Variants in PGM5 observed in about 807,000 individuals in gnomAD.
PGM5 encodes the protein phosphoglucomutase 5, also known as phosphoglucomutase-like protein 5.
PGM5 carries 23 observed loss-of-function variants against 59.2 expected under a neutral mutation model. That is an observed-to-expected ratio of 0.39 (90% CI 0.28 to 0.55). The LOEUF is 0.55. PGM5 is among the 20% of genes least tolerant of loss of function. The pLI, the probability that PGM5 is intolerant of heterozygous loss-of-function variation, is 0.66. For missense variants in PGM5, 574 were observed against 748.3 expected (o/e 0.77, Z 2.72); for synonymous variants, 214 against 286.0 (o/e 0.75, Z 2.54).
chr9:68,521,485 C>T (rs1212083398), intron 10 of PGM5, among the ~76,000 whole-genome samples: 1 of 152,058 alleles, frequency 6.6e-6, no homozygotes, highest in Non-Finnish European at 1.5e-5. Context: ...TTTTTTTAAC[C>T]TCGGTTTCAA....
At chr9:68,428,063 T>G (rs1823267275) in intron 6 of PGM5, among the ~76,000 whole-genome samples, 2 of 152,204 alleles carry the variant, frequency 1.3e-5, no homozygotes, top group Admixed American at 1.3e-4. Context: ...GGCTAAAAAT[T>G]TATACACTTT....
At chr9:68,376,800 T>TCTTC (rs1821906768) in intron 1 of PGM5, among the ~76,000 whole-genome samples, 1 of 109,382 alleles carries the variant, frequency 9.1e-6, no homozygotes, top group Admixed American at 9.9e-5. Context: ...TTTCTTTCTT[T>TCTTC]CTTTCTTTCT....
At chr9:68,510,146 A>ATTTTT (rs10580007) in intron 10 of PGM5, among the ~76,000 whole-genome samples, 1 of 86,828 alleles carries the variant, frequency 1.2e-5, no homozygotes. Flanking sequence ...TGAAATCAGC[A>ATTTTT]TTTTTTTTTT....
At chr9:68,414,012 T>C (rs1462752960) in intron 6 of PGM5, among the ~76,000 whole-genome samples, 1 of 152,140 alleles carries the variant, frequency 6.6e-6, no homozygotes, top group Non-Finnish European at 1.5e-5. Flanking sequence ...CATGAATAAA[T>C]TAATTGTGTC....
Position 68,357,211 on chromosome 9 carries a change from G to A in PGM5, c.84G>A (p.Arg28=). The part of the protein sequence containing the change: ...DQRPAGGGGL[R]RPTGLFEGQR... ...GGCCGGCCGGCGGCGGGGGTCTGCG[G>A]CGACCCACCGGCCTCTTCGAGGGCC... Residue 28 remains arginine, a synonymous_variant, in exon 1 of 11, where the codon CGG becomes CGA. Transcript: ENST00000396396. 1 of 1,540,476 alleles carries A rather than the reference G, an allele frequency of 6.5e-7. No homozygotes were observed. Among genetic ancestry groups the A allele is most frequent in the Non-Finnish European group, 8.7e-7 (1 of 1,145,900 alleles).
chr9:68,466,521 A>G (rs1554685831), intron 7 of PGM5: 3 of 168,478 alleles, frequency 1.8e-5, no homozygotes, highest in Admixed American at 1.2e-4. Flanking sequence ...ATAAATTTTT[A>G]TTGAATGCTG....
intron 4 of PGM5, among the ~76,000 whole-genome samples, chr9:68,388,914 T>C (rs2265170): frequency 2.0e-5 from 3 of 152,030 alleles, no homozygotes; most frequent in African/African-American, 4.8e-5. Flanking sequence ...TTTATTATAT[T>C]GGACACCTGA....
intron 6 of PGM5, among the ~76,000 whole-genome samples, chr9:68,433,160 A>AC: frequency 6.6e-6 from 1 of 152,102 alleles, no homozygotes; most frequent in Non-Finnish European, 1.5e-5. Context: ...TGATGCTACA[A>AC]CCCCCCGTCT....
intron 6 of PGM5, among the ~76,000 whole-genome samples, chr9:68,439,558 G>A (rs868936221): frequency 3.4e-5 from 5 of 146,786 alleles, no homozygotes; most frequent in African/African-American, 1.3e-4. Flanking sequence ...TTTCTCAGAA[G>A]ATGATCAAAC....
chr9:68,360,114 T>A (rs576666051), intron 1 of PGM5, among the ~76,000 whole-genome samples: 147 of 152,262 alleles, frequency 9.7e-4, no homozygotes, highest in Non-Finnish European at 1.4e-3. Context: ...TAAAGTGTCA[T>A]GAACCACCAT....
chr9:68,423,666 TC>T (rs1823185868), intron 6 of PGM5, among the ~76,000 whole-genome samples: 1 of 151,706 alleles, frequency 6.6e-6, no homozygotes, highest in Non-Finnish European at 1.5e-5. Flanking sequence ...TCTCTCTCTC[TC>T]TCTCTCTCTC....
rs1478453481 is a variant in PGM5, at chr9:68,439,624, A to G, written c.1044-25469A>G. 6.1e-5 allele frequency among the ~76,000 whole-genome samples: 9 copies of G among 148,492 alleles called. No homozygotes were observed. The Admixed American group carries it at 6.1e-4, about 10-fold the overall frequency. On this transcript the variant is annotated intron_variant, in intron 6 of 10. Transcript: ENST00000396396. ...CTACCCCAGCTCATTCTAATATTTT[A>G]TATAAAATATTAGACATGAACATAT...
At chr9:68,395,066 G>A (rs201904863) in intron 6 of PGM5, among the ~76,000 whole-genome samples, 3 of 152,082 alleles carry the variant, frequency 2.0e-5, no homozygotes, top group East Asian at 1.9e-4. Context: ...TTCCTCCAAG[G>A]TCAGAGAGAT....
rs537382572 is a variant in PGM5 at position 68,408,847 on chromosome 9, C to CT, written c.1043+16383dup. On this transcript the variant is annotated intron_variant, in intron 6 of 10. Coordinates refer to ENST00000396396, the MANE Select transcript of PGM5 (RefSeq NM_021965.4). ...TAAATAGGGAATCCTTTCCCCATCG[C>CT]TTTTTTTTTCTCAGGTTTGTCAAAG... Among the ~76,000 whole-genome samples the CT allele has an allele frequency of 2.5e-4, 38 of 151,506 alleles. No homozygotes were observed. The South Asian group carries it at 3.1e-3, about 13-fold the overall frequency.
intron 3 of PGM5, 148 bp from the exon 4 acceptor site, chr9:68,387,315 T>A (rs1822247119): frequency 2.9e-6 from 2 of 683,864 alleles, no homozygotes; most frequent in Admixed American, 2.5e-5. Flanking sequence ...TGTCAACAAA[T>A]GGGCACTTCG....
intron 6 of PGM5, among the ~76,000 whole-genome samples, chr9:68,423,979 T>A (rs1823191855): frequency 6.6e-6 from 1 of 152,214 alleles, no homozygotes; most frequent in African/African-American, 2.4e-5. Flanking sequence ...AATTCACTAC[T>A]GCTGTATCTC....
At chr9:68,410,451 A>G (rs1554681532) in intron 6 of PGM5, among the ~76,000 whole-genome samples, 2 of 152,284 alleles carry the variant, frequency 1.3e-5, no homozygotes, top group Non-Finnish European at 2.9e-5. Flanking sequence ...AAGATGTAAA[A>G]TATCTTTAAT....
At chr9:68,494,606 A>G (rs1564021377) in intron 9 of PGM5, among the ~76,000 whole-genome samples, 1 of 152,138 alleles carries the variant, frequency 6.6e-6, no homozygotes, top group Non-Finnish European at 1.5e-5. Flanking sequence ...TTTTTTAAAG[A>G]CCTCCCACTG....
At chr9:68,388,276 C>T in intron 4 of PGM5, among the ~76,000 whole-genome samples, 1 of 143,402 alleles carries the variant, frequency 7.0e-6, no homozygotes, top group Non-Finnish European at 1.5e-5. Context: ...TACAGTACAA[C>T]TTTTTGATTT....
Sources: allele counts gnomAD v4.1 joint callset (sites outside exome capture counted in the v4.1 genomes callset), GRCh38; gene constraint gnomAD v4.1.1; transcripts MANE v1.5; gene names NCBI Gene and HGNC (gene_info 2026-07-23, HGNC 2026-07-21).